MIAT: variants seen among roughly 807,000 people sequenced by gnomAD.
The protein encoded by MIAT is MI related novel mRNA.
chr22:26,665,016 T>C (rs1163297322), intron 3 of MIAT, among the ~76,000 whole-genome samples: 1 of 152,046 alleles, frequency 6.6e-6, no homozygotes, highest in African/African-American at 2.4e-5. Flanking sequence ...GCCAGCGGAC[T>C]GCCTGAGGTT....
At chr22:26,667,353 T>TGTGTGTGTGC (rs1491414770) in intron 5 of MIAT, 28 of 395,776 alleles carry the variant, frequency 7.1e-5, no homozygotes, top group South Asian at 1.3e-4. Context: ...TGTGTGTGTG[T>TGTGTGTGTGC]GCGTGTGCAC....
chr22:26,667,345 TGTGTGTGTGCGTGTGCAC>T, intron 5 of MIAT: 1 of 397,382 alleles, frequency 2.5e-6, no homozygotes. Flanking sequence ...TGTGTGTGTG[TGTGTGTGTGCGTGTGCAC>T]ATGTGTGTGC....
At chr22:26,673,986 G>A (rs1205385408), downstream of MIAT, 5 of 398,556 alleles carry the variant, frequency 1.3e-5, no homozygotes, top group Admixed American at 8.8e-5. Flanking sequence ...AGTAGATGCA[G>A]CTCTTATAAA....
At chr22:26,669,448 G>C in exon 6 of MIAT, 1 of 398,576 alleles carries the variant, frequency 2.5e-6, no homozygotes, top group Non-Finnish European at 4.4e-6. Context: ...TCTGTGGAGA[G>C]GGACAGAGAG....
downstream of MIAT, chr22:26,670,664 A>G (rs1000482921): frequency 1.0e-5 from 4 of 394,652 alleles, no homozygotes; most frequent in South Asian, 1.3e-4. Flanking sequence ...CTACTGAAGT[A>G]GTGCAGGACT....
At chr22:26,667,115 G>A in intron 4 of MIAT, 1 of 398,028 alleles carries the variant, frequency 2.5e-6, no homozygotes, top group Non-Finnish European at 4.4e-6. Flanking sequence ...CTTGGTGGGG[G>A]TGGGTGGGAT....
chr22:26,671,522 C>CAG, downstream of MIAT: 1 of 398,714 alleles, frequency 2.5e-6, no homozygotes. Context: ...CCCTACTAAC[C>CAG]ACCCCCCCGC....
At chr22:26,649,730 T>C (rs536226242) in intron 2 of MIAT, among the ~76,000 whole-genome samples, 1 of 152,296 alleles carries the variant, frequency 6.6e-6, no homozygotes, top group East Asian at 1.9e-4. Context: ...CTGGCCAACA[T>C]GGTGAAACCC....
In MIAT at chr22:26,651,343, G is replaced by C. The variant is rs1366881156; in HGVS notation, n.646+4032G>C. On this transcript the variant is annotated intron_variant and non_coding_transcript_variant, in intron 2 of 5. Transcript: ENST00000643270. ...TCCCCTGATGGACCAGTCTCCATCA[G>C]TAACATGGCTGGAGGGAAGACAAAA... 2.6e-5 allele frequency among the ~76,000 whole-genome samples: 4 copies of C among 152,326 alleles called. No homozygotes were observed. The East Asian group carries it at 7.7e-4, about 29-fold the overall frequency.
chr22:26,667,139 T>C (rs1388283732), intron 4 of MIAT: 4 of 398,366 alleles, frequency 1.0e-5, no homozygotes, highest in Middle Eastern at 6.3e-4. Flanking sequence ...ATCAAGACCA[T>C]TGTGGGTGAG....
chr22:26,670,133 C>T (rs1395221800), downstream of MIAT: 2 of 397,986 alleles, frequency 5.0e-6, no homozygotes, highest in Non-Finnish European at 8.8e-6. Context: ...TTAGCCCTTC[C>T]CTACCTATTT....
At chr22:26,656,975 T>A (rs1015586613) in intron 2 of MIAT, among the ~76,000 whole-genome samples, 2 of 152,254 alleles carry the variant, frequency 1.3e-5, no homozygotes, top group Non-Finnish European at 2.9e-5. Context: ...TTAGGCCAAA[T>A]GCTGTACACG....
At chr22:26,671,620 G>A (rs1931050732), downstream of MIAT, 1 of 398,618 alleles carries the variant, frequency 2.5e-6, no homozygotes, top group African/African-American at 2.1e-5. Flanking sequence ...CTCTGCCTAT[G>A]GGCTGGGATC....
At chr22:26,672,511 G>A, downstream of MIAT, 1 of 399,418 alleles carries the variant, frequency 2.5e-6, no homozygotes, top group East Asian at 3.6e-5. Flanking sequence ...TGGGACCAGG[G>A]AAATCTCTGG....
intron 2 of MIAT, among the ~76,000 whole-genome samples, chr22:26,659,004 C>A (rs572372441): frequency 1.3e-5 from 2 of 152,308 alleles, no homozygotes; most frequent in South Asian, 4.1e-4. Flanking sequence ...TTCCACTTGA[C>A]AGACAGGGAA....
At chr22:26,672,650 C>T (rs1172975907), downstream of MIAT, 2 of 399,068 alleles carry the variant, frequency 5.0e-6, no homozygotes, top group Non-Finnish European at 8.8e-6. Context: ...CTGTCCTGCA[C>T]AGGAAGTCAC....
At chr22:26,668,348 T>A in exon 6 of MIAT, 1 of 398,726 alleles carries the variant, frequency 2.5e-6, no homozygotes, top group East Asian at 3.6e-5. Flanking sequence ...ATAGGAACTC[T>A]TCCTGGTTGA....
intron 2 of MIAT, among the ~76,000 whole-genome samples, chr22:26,659,185 A>G (rs898106620): frequency 2.6e-5 from 4 of 151,990 alleles, no homozygotes; most frequent in African/African-American, 7.3e-5. Flanking sequence ...TGGTTGAGGG[A>G]AGAGTGCCCC....
intron 5 of MIAT, chr22:26,667,365 T>C (rs942615531): frequency 3.2e-5 from 12 of 377,092 alleles, no homozygotes; most frequent in African/African-American, 1.7e-4. Context: ...CGTGTGCACA[T>C]GTGTGTGCAT....
Sources: gnomAD v4.1 joint callset for allele counts (sites outside exome capture counted in the v4.1 genomes callset) on GRCh38, gnomAD v4.1.1 for gene constraint, MANE v1.5 for transcripts, NCBI Gene and HGNC (gene_info 2026-07-23, HGNC 2026-07-21) for gene names.